Variants in GLIS3 observed in about 807,000 individuals in gnomAD.
The protein encoded by GLIS3 is GLIS family zinc finger 3.
Under a neutral mutation model 78.6 loss-of-function variants are expected in GLIS3, and 53 were observed. The observed-to-expected ratio is 0.67, with a 90% CI of 0.54 to 0.85. The LOEUF is 0.85. GLIS3 is among the 40% of genes least tolerant of loss of function. The pLI is 0.00. For missense variants in GLIS3, 1,703 were observed against 1,231.1 expected (o/e 1.38, Z -5.74); for synonymous variants, 684 against 509.9 (o/e 1.34, Z -4.60).
chr9:4,231,049 GCAAGAGA>G (rs1177382628), intron 2 of GLIS3, among the ~76,000 whole-genome samples: 1 of 152,088 alleles, frequency 6.6e-6, no homozygotes, highest in African/African-American at 2.4e-5. Flanking sequence ...TCCAGCCTAG[GCAAGAGA>G]ATGAGACTGT....
Position 4,117,806 on chromosome 9 carries a change from T to C in GLIS3, c.1672A>G (p.Met558Val). The part of the protein sequence containing the change: ...FNARYKLLIH[M>V]RVHSGEKPNK... ...GGCTTCTCCCCAGAGTGGACTCTCA[T>C]GTGGATCAGCAGTTTATAGCGGGCG... Residue 558 changes from methionine to valine, a missense_variant, in exon 4 of 11, where the codon ATG (methionine) becomes GTG (valine). Transcript: ENST00000381971. The C allele has an allele frequency of 2.5e-6, 4 of 1,614,134 alleles. No individual in the cohort carries two copies. The highest frequency in any genetic ancestry group is 3.4e-6 in the Non-Finnish European group (4 of 1,180,024).
At chr9:4,438,950 C>T in the GLIS3 span, among the ~76,000 whole-genome samples, 1 of 152,194 alleles carries the variant, frequency 6.6e-6, no homozygotes, top group African/African-American at 2.4e-5. Context: ...TATAATCCTA[C>T]TCTATAAGTC....
intron 4 of GLIS3, among the ~76,000 whole-genome samples, chr9:3,968,048 C>G (rs755317498): frequency 1.3e-5 from 2 of 152,214 alleles, no homozygotes; most frequent in Non-Finnish European, 2.9e-5. Context: ...CGCCATAAAT[C>G]TAAATTCATA....
At chr9:4,296,531 C>G (rs1310644399) in intron 1 of GLIS3, among the ~76,000 whole-genome samples, 1 of 152,128 alleles carries the variant, frequency 6.6e-6, no homozygotes, top group East Asian at 1.9e-4. Flanking sequence ...ATCACTTCTT[C>G]CAAGCAAACC....
chr9:4,355,983 C>G, the GLIS3 span, among the ~76,000 whole-genome samples: 7 of 152,176 alleles, frequency 4.6e-5, no homozygotes, highest in Non-Finnish European at 1.5e-5. Flanking sequence ...CACTTCAGTT[C>G]TGTGTGTTCT....
the GLIS3 span, among the ~76,000 whole-genome samples, chr9:4,392,734 T>C: frequency 5.3e-5 from 8 of 152,188 alleles, 1 homozygote; most frequent in East Asian, 1.5e-3. Context: ...AATGAATTAA[T>C]TATTTGCTTC....
Position 4,033,877 on chromosome 9 carries a change from A to AC in GLIS3, c.1710+83890_1710+83891insG, listed in dbSNP as rs1240662025. 8.0e-5 allele frequency among the ~76,000 whole-genome samples: 12 copies of AC among 150,414 alleles called. No homozygotes were observed. In the East Asian group the frequency reaches 1.5e-3, roughly 19 times the overall value. On this transcript the variant is annotated intron_variant, in intron 4 of 10. Transcript: ENST00000381971. The stretch of plus-strand genomic sequence containing the variant: ...ATAGGCGAAGGATAAAAAAAAAAAA[A>AC]AAAAAAAAAAAAACTAGAATGAGAT...
intron 4 of GLIS3, among the ~76,000 whole-genome samples, chr9:4,043,971 C>T (rs1346013979): frequency 6.6e-6 from 1 of 152,138 alleles, no homozygotes; most frequent in Non-Finnish European, 1.5e-5. Context: ...CGGCTGTTGT[C>T]ACCAACAATG....
intron 2 of GLIS3, among the ~76,000 whole-genome samples, chr9:4,167,728 T>C (rs1815995122): frequency 1.3e-5 from 2 of 152,330 alleles, no homozygotes; most frequent in South Asian, 4.1e-4. Context: ...CTCACGTTCC[T>C]TTCACTGAAC....
intron 2 of GLIS3, among the ~76,000 whole-genome samples, chr9:4,211,292 C>T (rs1820349802): frequency 6.6e-6 from 1 of 152,182 alleles, no homozygotes; most frequent in South Asian, 2.1e-4. Flanking sequence ...TAATAAAATG[C>T]AAACAATATA....
intron 4 of GLIS3, among the ~76,000 whole-genome samples, chr9:4,086,857 T>C (rs1234965344): frequency 6.6e-6 from 1 of 152,192 alleles, no homozygotes; most frequent in Non-Finnish European, 1.5e-5. Flanking sequence ...CACAGAGCCT[T>C]GCTGTTCTTC....
intron 10 of GLIS3, 73 bp from the exon 11 acceptor site, chr9:3,828,481 A>G (rs1215060216): frequency 6.9e-6 from 11 of 1,584,210 alleles, no homozygotes; most frequent in Non-Finnish European, 9.5e-6. Context: ...GCACTACAGT[A>G]ATGCAGCTCA....
chr9:3,897,886 G>A (rs1270183659), intron 7 of GLIS3, among the ~76,000 whole-genome samples: 1 of 152,334 alleles, frequency 6.6e-6, no homozygotes, highest in African/African-American at 2.4e-5. Context: ...GGTGGGGGTA[G>A]TATCTGCAAC....
the GLIS3 span, among the ~76,000 whole-genome samples, chr9:4,441,775 T>G: frequency 6.6e-6 from 1 of 151,974 alleles, no homozygotes; most frequent in Non-Finnish European, 1.5e-5. Context: ...CCCAGCTCAT[T>G]TTTGTATTTT....
the GLIS3 span, among the ~76,000 whole-genome samples, chr9:4,410,382 T>G: frequency 6.6e-6 from 1 of 152,134 alleles, no homozygotes; most frequent in African/African-American, 2.4e-5. Context: ...AGAAAAACCA[T>G]CCTTAATTCT....
chr9:4,342,306 CG>C (rs1817843997), intron 2 of GLIS3, among the ~76,000 whole-genome samples: 1 of 152,166 alleles, frequency 6.6e-6, no homozygotes, highest in Non-Finnish European at 1.5e-5. Flanking sequence ...ATCTTCTGCA[CG>C]CGGCTAGCCA....
intron 2 of GLIS3, among the ~76,000 whole-genome samples, chr9:4,149,972 T>A (rs1834539306): frequency 6.6e-6 from 1 of 152,248 alleles, no homozygotes; most frequent in Admixed American, 6.5e-5. Flanking sequence ...GAGTCTTGAA[T>A]GCGCACAGTT....
At chr9:4,471,311 C>A in the GLIS3 span, among the ~76,000 whole-genome samples, 1 of 152,052 alleles carries the variant, frequency 6.6e-6, no homozygotes, top group Admixed American at 6.6e-5. Context: ...AATCCTAAGC[C>A]AAAAGAACAA....
At chr9:3,910,863 C>T (rs1465708544) in intron 6 of GLIS3, among the ~76,000 whole-genome samples, 4 of 152,204 alleles carry the variant, frequency 2.6e-5, no homozygotes, top group Non-Finnish European at 5.9e-5. Context: ...CTTACTAAAA[C>T]ATCAGTCCCT....
Sources: gnomAD v4.1 joint callset for allele counts (sites outside exome capture counted in the v4.1 genomes callset) on GRCh38, gnomAD v4.1.1 for gene constraint, MANE v1.5 for transcripts, NCBI Gene and HGNC (gene_info 2026-07-23, HGNC 2026-07-21) for gene names.